The following ELP4 variants were observed in gnomAD, a reference collection of about 807,000 sequenced individuals.
ELP4 encodes the protein elongator acetyltransferase complex subunit 4.
In ELP4, 51 loss-of-function variants were observed where a neutral mutation model predicts 48.9. That is an observed-to-expected ratio of 1.04 (90% CI 0.83 to 1.32). ELP4 has a LOEUF of 1.32. ELP4 is among the 40% of genes most tolerant of loss of function. The pLI is 0.00. For synonymous variants in ELP4, 210 were observed against 189.2 expected, an observed-to-expected ratio of 1.11 and a Z score of -0.90; for missense variants, 519 against 514.6, an observed-to-expected ratio of 1.01 and a Z score of -0.08.
chr11:31,618,614 T>G (rs1485611474), intron 5 of ELP4, among the ~76,000 whole-genome samples: 1 of 152,096 alleles, frequency 6.6e-6, no homozygotes, highest in Non-Finnish European at 1.5e-5. Flanking sequence ...GGGACCGACA[T>G]TCAAACCATA....
chr11:31,600,669 A>C (rs1253894549), intron 4 of ELP4: 3 of 152,200 alleles, frequency 2.0e-5, no homozygotes, highest in Non-Finnish European at 4.4e-5. Context: ...TTAGAGTCTC[A>C]CAACAGCCTT....
In ELP4 at chr11:31,789,912, CTTTTTT is replaced by C. The variant is rs759391101; in HGVS notation, c.*6406_*6411del. ...CTGAATTAACACAATATTTCCTTTC[CTTTTTT>C]TTTTTTTTTTTTTTTTTACTGTAAT... On this transcript the variant is annotated 3_prime_UTR_variant, in exon 10 of 10. Transcript: ENST00000640961. The C allele has an allele frequency of 2.7e-4, 285 of 1,045,948 alleles. No homozygotes were observed. Among genetic ancestry groups the C allele is most frequent in the Non-Finnish European group, 3.6e-4 (259 of 725,666 alleles). 64.8% of individuals were successfully genotyped at this position (1,045,948 alleles called of 1,614,324 possible).
chr11:31,563,047 A>G (rs770776428), intron 3 of ELP4, among the ~76,000 whole-genome samples: 2 of 152,166 alleles, frequency 1.3e-5, no homozygotes, highest in Non-Finnish European at 2.9e-5. Flanking sequence ...AAAGTTGCCA[A>G]AATAAACACA....
intron 3 of ELP4, among the ~76,000 whole-genome samples, chr11:31,556,285 T>A (rs981606050): frequency 2.6e-5 from 4 of 151,906 alleles, no homozygotes; most frequent in Non-Finnish European, 5.9e-5. Context: ...CATATAAGTA[T>A]TTTTCAGTTA....
At chr11:31,578,427 G>A (rs1181648495) in intron 3 of ELP4, among the ~76,000 whole-genome samples, 2 of 151,914 alleles carry the variant, frequency 1.3e-5, no homozygotes, top group African/African-American at 2.4e-5. Context: ...TTCACAAAAG[G>A]AGAAAAAACT....
chr11:31,599,258 T>C (rs1451458695), intron 4 of ELP4: 8 of 152,208 alleles, frequency 5.3e-5, no homozygotes. Flanking sequence ...ATGCAGTCAA[T>C]GATCATGCTT....
At chr11:31,536,033 T>C (rs1956495292) in intron 2 of ELP4, among the ~76,000 whole-genome samples, 1 of 152,212 alleles carries the variant, frequency 6.6e-6, no homozygotes, top group Admixed American at 6.5e-5. Flanking sequence ...TATCCAATCC[T>C]GGATGTCCTT....
intron 9 of ELP4, among the ~76,000 whole-genome samples, chr11:31,709,881 T>C (rs890580901): frequency 5.3e-5 from 8 of 152,190 alleles, no homozygotes; most frequent in African/African-American, 1.4e-4. Context: ...ATTAAATTAT[T>C]AATTATTACT....
At chr11:31,592,387 C>T (rs2133986513) in intron 3 of ELP4, among the ~76,000 whole-genome samples, 1 of 151,748 alleles carries the variant, frequency 6.6e-6, no homozygotes, top group Non-Finnish European at 1.5e-5. Context: ...ACAAAAAATG[C>T]AAAAATTAGC....
chr11:31,591,476 G>C (rs1484700722), intron 3 of ELP4, among the ~76,000 whole-genome samples: 1 of 149,204 alleles, frequency 6.7e-6, no homozygotes, highest in Non-Finnish European at 1.5e-5. Context: ...AAGAAATACA[G>C]ATGGCCAACC....
At chr11:31,719,179 G>T (rs566952402) in intron 9 of ELP4, among the ~76,000 whole-genome samples, 3 of 151,820 alleles carry the variant, frequency 2.0e-5, no homozygotes, top group Non-Finnish European at 2.9e-5. Flanking sequence ...GATCTCTTGA[G>T]CCCGAGAGGT....
At chr11:31,519,263 A>G (rs1956171272) in intron 1 of ELP4, among the ~76,000 whole-genome samples, 1 of 152,212 alleles carries the variant, frequency 6.6e-6, no homozygotes, top group Non-Finnish European at 1.5e-5. Flanking sequence ...TATTATTCAT[A>G]ATAAAAAAGA....
intron 9 of ELP4, among the ~76,000 whole-genome samples, chr11:31,711,132 G>A (rs1946735163): frequency 6.6e-6 from 1 of 152,136 alleles, no homozygotes; most frequent in Non-Finnish European, 1.5e-5. Flanking sequence ...ATTACGCTTG[G>A]ATGATACATA....
chr11:31,623,390 T>TATATATATATATATATATATA (rs67986763), intron 5 of ELP4, among the ~76,000 whole-genome samples: 2 of 92,610 alleles, frequency 2.2e-5, no homozygotes, highest in Non-Finnish European at 4.5e-5. Context: ...TATATATATA[T>TATATATATATATATATATATA]AAAACTAGAA....
chr11:31,559,920 A>T (rs902782311), intron 3 of ELP4, among the ~76,000 whole-genome samples: 2 of 151,490 alleles, frequency 1.3e-5, no homozygotes, highest in South Asian at 4.2e-4. Context: ...AAAAAAAAAA[A>T]AGGCAAATCA....
At chr11:31,723,307 C>CA (rs1276004361) in intron 9 of ELP4, among the ~76,000 whole-genome samples, 2 of 152,252 alleles carry the variant, frequency 1.3e-5, no homozygotes, top group East Asian at 3.9e-4. Context: ...GGCCAGGGGA[C>CA]AGGGACTGCA....
At chr11:31,631,624 C>T (rs533687131) in intron 6 of ELP4, among the ~76,000 whole-genome samples, 1 of 152,178 alleles carries the variant, frequency 6.6e-6, no homozygotes, top group East Asian at 1.9e-4. Flanking sequence ...ACCTTACTGT[C>T]AGTAGGCTCA....
intron 5 of ELP4, among the ~76,000 whole-genome samples, chr11:31,626,352 A>G (rs1374009251): frequency 6.6e-6 from 1 of 151,822 alleles, no homozygotes; most frequent in Admixed American, 6.6e-5. Context: ...TATGCTCATG[A>G]CATTATCATG....
chr11:31,623,976 A>G (rs1944684686), intron 5 of ELP4, among the ~76,000 whole-genome samples: 2 of 151,830 alleles, frequency 1.3e-5, no homozygotes, highest in South Asian at 4.1e-4. Flanking sequence ...AACATTATTC[A>G]TCATCAGGGA....
Sources: gnomAD v4.1 joint callset for allele counts (sites outside exome capture counted in the v4.1 genomes callset) on GRCh38, gnomAD v4.1.1 for gene constraint, MANE v1.5 for transcripts, NCBI Gene and HGNC (gene_info 2026-07-23, HGNC 2026-07-21) for gene names.